NAA16: variants seen among roughly 807,000 people sequenced by gnomAD.
NAA16 encodes the protein N-alpha-acetyltransferase 16, NatA auxiliary subunit, also known as NARG1-like protein.
NAA16 carries 97 observed loss-of-function variants against 110.3 expected under a neutral mutation model. The ratio of observed to expected loss-of-function variants is 0.88; its 90% CI spans 0.75 to 1.04. The LOEUF is 1.04. Ranked by LOEUF, NAA16 falls within the 50% of genes least tolerant of loss-of-function variation. The probability of loss-of-function intolerance (pLI) is 0.00; values close to 1 mark genes in which losing one functional copy is unlikely to be tolerated. For missense variants in NAA16, 1,017 were observed against 1,005.1 expected, an observed-to-expected ratio of 1.01 and a Z score of -0.16; for synonymous variants, 372 against 330.6, an observed-to-expected ratio of 1.13 and a Z score of -1.36.
At chr13:41,347,253 C>G (rs867913691) in intron 9 of NAA16, among the ~76,000 whole-genome samples, 9 of 149,502 alleles carry the variant, frequency 6.0e-5, no homozygotes, top group Non-Finnish European at 8.9e-5. Context: ...AAAAAGAAAT[C>G]AGGAAGTGTG....
intron 9 of NAA16, 46 bp downstream of exon 9, chr13:41,336,802 A>T (rs761787538): frequency 1.8e-6 from 2 of 1,102,522 alleles, no homozygotes; most frequent in Non-Finnish European, 1.3e-6. Context: ...TTTTTTACTA[A>T]ACTGTAGAAA....
chr13:41,352,231 A>T (rs533088462), intron 9 of NAA16, among the ~76,000 whole-genome samples: 2 of 152,246 alleles, frequency 1.3e-5, no homozygotes, highest in South Asian at 4.1e-4. Context: ...AGTCCCAGCT[A>T]CTCAGGAGGC....
At chr13:41,337,542 CAA>C (rs11370011) in intron 9 of NAA16, among the ~76,000 whole-genome samples, 2 of 134,386 alleles carry the variant, frequency 1.5e-5, no homozygotes, top group Non-Finnish European at 3.1e-5. Flanking sequence ...GACTCCGTCT[CAA>C]AAAAAAAAAA....
intron 10 of NAA16, among the ~76,000 whole-genome samples, chr13:41,357,476 A>G (rs953464375): frequency 7.2e-5 from 11 of 152,256 alleles, no homozygotes; most frequent in Non-Finnish European, 1.0e-4. Flanking sequence ...GGAACAGAGT[A>G]GAAGCTTAAC....
chr13:41,352,954 T>C (rs1188040756), intron 9 of NAA16, among the ~76,000 whole-genome samples: 1 of 151,966 alleles, frequency 6.6e-6, no homozygotes, highest in Non-Finnish European at 1.5e-5. Context: ...TCATCTCTAC[T>C]AAAAATAGAA....
chr13:41,316,082 A>G (rs2041801858), intron 1 of NAA16, among the ~76,000 whole-genome samples: 1 of 152,158 alleles, frequency 6.6e-6, no homozygotes, highest in Admixed American at 6.5e-5. Flanking sequence ...GGAAAGGGAA[A>G]CAAAATAAAA....
At chr13:41,354,033 G>A (rs1353597006) in intron 9 of NAA16, among the ~76,000 whole-genome samples, 1 of 152,124 alleles carries the variant, frequency 6.6e-6, no homozygotes, top group Non-Finnish European at 1.5e-5. Flanking sequence ...ACATGTTTTA[G>A]TGAAGTCATA....
chr13:41,355,283 T>C, intron 10 of NAA16, 67 bp downstream of exon 10: 1 of 981,282 alleles, frequency 1.0e-6, no homozygotes, highest in Non-Finnish European at 1.6e-6. Flanking sequence ...GTAATGCTCT[T>C]TTATGTATAT....
chr13:41,359,131 C>A (rs1486542501), intron 12 of NAA16, among the ~76,000 whole-genome samples, 169 bp downstream of exon 12: 1 of 152,016 alleles, frequency 6.6e-6, no homozygotes, highest in Non-Finnish European at 1.5e-5. Context: ...TGGTTTCTTA[C>A]TGTGGTTGTG....
Position 41,337,755 on chromosome 13 carries a change from A to G in NAA16, c.1014+999A>G, listed in dbSNP as rs538936483. On this transcript the variant is annotated intron_variant, in intron 9 of 19. Coordinates refer to ENST00000379406, the MANE Select transcript of NAA16 (RefSeq NM_024561.5). Reference sequence around the variant, plus strand: ...TTATTAGAAATGCCAAAAAAATTTTAGTTAAGCTTCTGTCATATTTATTTA... The same window carrying G: ...TTATTAGAAATGCCAAAAAAATTTTGGTTAAGCTTCTGTCATATTTATTTA... Among the ~76,000 whole-genome samples the G allele has an allele frequency of 3.9e-5, 6 of 152,324 alleles. No homozygotes were observed. In the East Asian group the frequency reaches 1.2e-3, roughly 29 times the overall value.
chr13:41,342,193 AG>A lies in NAA16; in HGVS notation c.1014+5438del, dbSNP rs375548451. ...TGCTCTGCCGCCCAGGCTGGAGTGC[AG>A]TGGCACGCTCTCGGCTCACTGCAAC... On this transcript the variant is annotated intron_variant, in intron 9 of 19. Transcript: ENST00000379406. Among the ~76,000 whole-genome samples, 505 of 149,506 alleles carry A rather than the reference AG, an allele frequency of 3.4e-3. 2 individuals are homozygous for A. Among genetic ancestry groups the A allele is most frequent in the African/African-American group, 0.012 (478 of 40,418 alleles).
intron 7 of NAA16, among the ~76,000 whole-genome samples, chr13:41,330,385 G>A (rs540297945): frequency 2.0e-5 from 3 of 151,984 alleles, no homozygotes; most frequent in African/African-American, 7.2e-5. Flanking sequence ...TTACTACAGA[G>A]ATACCTTGTC....
chr13:41,354,476 A>G (rs1468948130), intron 9 of NAA16: 3 of 152,242 alleles, frequency 2.0e-5, no homozygotes, highest in Admixed American at 6.5e-5. Flanking sequence ...GCGTAGGGAA[A>G]TAAGAGAAAT....
intron 12 of NAA16, among the ~76,000 whole-genome samples, chr13:41,359,501 A>G (rs9566754): frequency 0.093 from 14,193 of 152,266 alleles, 790 homozygotes; most frequent in East Asian, 0.23. Context: ...GGTTAAAAAT[A>G]TAAGTAGACT....
rs1212521687 is a variant in NAA16 at position 41,320,733 on chromosome 13, G to A, written c.311G>A (p.Arg104Gln). 8 of 1,613,184 alleles carry A rather than the reference G, an allele frequency of 5.0e-6. No individual in the cohort carries two copies. The highest frequency in any genetic ancestry group is 2.2e-5 in the East Asian group (1 of 44,870). ...KKYDEAIKCY[R>Q]NALKLDKDNL... is the part of the protein sequence containing the mutation. ...TATGATGAAGCTATAAAATGTTACC[G>A]AAATGCCCTCAAATTAGATAAAGAT... The change falls in exon 4 of 20, where the codon CGA becomes CAA. Residue 104 changes from arginine (R) to glutamine (Q), a missense_variant. By Grantham distance (43) the Arg-to-Gln change is conservative. Transcript: ENST00000379406.
chr13:41,325,649 C>A, intron 5 of NAA16, 49 bp from the exon 6 acceptor site: 1 of 1,308,946 alleles, frequency 7.6e-7, no homozygotes, highest in Non-Finnish European at 1.0e-6. Flanking sequence ...AGGTCTGTAA[C>A]TGCTTTATAT....
At position 41,372,838 on chromosome 13, in the gene NAA16, TA is replaced by T. The variant is rs2043349127; in HGVS notation, c.2155+14del. The stretch of plus-strand genomic sequence containing the variant: ...TTAGATTTTCTAAATCTGGTAAGTA[TA>T]AAAAAGGACCATATTTACATTTGTG... On this transcript the variant is annotated intron_variant, in intron 17 of 19. Coordinates refer to ENST00000379406, the MANE Select transcript of NAA16 (RefSeq NM_024561.5). 6 of 1,537,936 alleles carry T rather than the reference TA, an allele frequency of 3.9e-6. No individual in the cohort carries two copies. The highest frequency in any genetic ancestry group is 1.9e-5 in the Admixed American group (1 of 53,392).
chr13:41,335,469 G>A (rs566378244), intron 8 of NAA16, among the ~76,000 whole-genome samples: 4 of 152,148 alleles, frequency 2.6e-5, no homozygotes, highest in South Asian at 4.2e-4. Context: ...TGTTAATTTC[G>A]TTGTATACCA....
chr13:41,317,339 G>GT (rs961069534), intron 2 of NAA16, among the ~76,000 whole-genome samples: 39 of 143,126 alleles, frequency 2.7e-4, no homozygotes, highest in South Asian at 6.4e-4. Flanking sequence ...GTTTTGTTTT[G>GT]TTTTTTTTTA....
Sources: gnomAD v4.1 joint callset for allele counts (sites outside exome capture counted in the v4.1 genomes callset) on GRCh38, gnomAD v4.1.1 for gene constraint, MANE v1.5 for transcripts, NCBI Gene and HGNC (gene_info 2026-07-23, HGNC 2026-07-21) for gene names.